TMX3: variants seen among roughly 807,000 people sequenced by gnomAD.
TMX3 encodes the protein protein disulfide-isomerase TMX3.
TMX3 carries 40 observed loss-of-function variants against 64.4 expected under a neutral mutation model. That is an observed-to-expected ratio of 0.62 (90% confidence interval 0.48 to 0.81). TMX3 has a LOEUF of 0.81. Ranked by LOEUF, TMX3 falls within the 30% of genes least tolerant of loss-of-function variation. TMX3 has a pLI of 0.00. For synonymous variants in TMX3, 189 were observed against 175.7 expected (o/e 1.08, Z -0.60); for missense variants, 497 against 534.5 (o/e 0.93, Z 0.69).
In TMX3 at chr18:68,681,106, A is replaced by G. The variant is rs1179221807; in HGVS notation, c.910T>C (p.Leu304=). The G allele has an allele frequency of 6.4e-6, 10 of 1,553,256 alleles. No individual in the cohort carries two copies. The highest frequency in any genetic ancestry group is 1.4e-5 in the African/African-American group (1 of 72,608). The change falls in exon 14 of 16, where the codon TTG becomes CTG. Residue 304 remains leucine (L), a synonymous_variant. Transcript: ENST00000299608. ...AGTACAACTACAGTTGGGACTGTCA[A>G]TTCACTGAAAATATAAAAACAAATC... is the stretch of plus-strand genomic sequence containing the variant. ...DYINTLLMDE[L]TVPTVVVLNT...
intron 4 of TMX3, chr18:68,706,490 T>C (rs1395661118): frequency 6.6e-6 from 1 of 151,890 alleles, no homozygotes; most frequent in Non-Finnish European, 1.5e-5. Flanking sequence ...CAAGACCCAA[T>C]TGCAAAGATT....
intron 7 of TMX3, 78 bp downstream of exon 7, chr18:68,697,854 C>T (rs574529187): frequency 1.2e-5 from 10 of 864,348 alleles, no homozygotes; most frequent in East Asian, 7.8e-5. Flanking sequence ...ATAAGTTCTG[C>T]GTTTCTAGTG....
In TMX3 at chr18:68,711,420, C is replaced by G. The variant is rs1485703226; in HGVS notation, c.102-17G>C. 3.2e-6 allele frequency: 5 copies of G among 1,564,750 alleles called. No homozygotes were observed. The South Asian group carries it at 3.5e-5, about 11-fold the overall frequency. On this transcript the variant is annotated splice_polypyrimidine_tract_variant and intron_variant, in intron 2 of 15. Transcript: ENST00000299608. ...TCTTTAAACCTAAAAAACAAGAAAA[C>G]AAATGTTTGATTGTATGTTTGTGTC...
chr18:68,701,629 A>C, intron 5 of TMX3, 116 bp downstream of exon 5: 1 of 1,547,218 alleles, frequency 6.5e-7, no homozygotes, highest in Non-Finnish European at 8.8e-7. Context: ...ACCTATGAAG[A>C]ATGGCCAAAC....
intron 8 of TMX3, chr18:68,696,911 A>ACACACAC (rs1568192049): frequency 1.6e-5 from 4 of 243,834 alleles, no homozygotes; most frequent in African/African-American, 9.4e-5. Flanking sequence ...TACGCACGCA[A>ACACACAC]AATAATCCAC....
At chr18:68,687,622 G>C (rs757848702) in intron 10 of TMX3, 45 bp downstream of exon 10, 3 of 1,550,966 alleles carry the variant, frequency 1.9e-6, no homozygotes, top group Middle Eastern at 1.7e-4. Context: ...AATAATCAAA[G>C]AAAAATCATG....
Position 68,677,146 on chromosome 18 carries a change from C to T in TMX3, c.1152G>A (p.Leu384=). The change falls in exon 16 of 16, where the codon CTG becomes CTA. Residue 384 remains leucine, a synonymous_variant. Coordinates refer to ENST00000299608, the MANE Select transcript of TMX3 (RefSeq NM_019022.5). ...ACATGATACTGATGACACCCAGTGG[C>T]AGGCCAAAGAGAAAGCAGCCCATCA... ...SPLMGCFLFG[L]PLGVISIMCY... is the part of the protein sequence containing the mutation. The T allele has an allele frequency of 6.2e-7, 1 of 1,613,732 alleles. No homozygotes were observed. The highest frequency in any genetic ancestry group is 8.5e-7 in the Non-Finnish European group (1 of 1,179,718).
intron 12 of TMX3, among the ~76,000 whole-genome samples, chr18:68,683,979 T>C (rs773329501): frequency 2.6e-5 from 4 of 152,160 alleles, no homozygotes; most frequent in African/African-American, 7.2e-5. Context: ...GACAAAATTA[T>C]AGTATATGTA....
chr18:68,713,949 C>A, intron 1 of TMX3, 49 bp from the exon 2 acceptor site: 1 of 1,357,102 alleles, frequency 7.4e-7, no homozygotes, highest in South Asian at 1.3e-5. Flanking sequence ...TTATTTGGCT[C>A]ATACCGTATA....
chr18:68,700,504 A>ATTTTTT lies in TMX3; in HGVS notation c.312-20_312-19insAAAAAA. 2.1e-6 allele frequency: 3 copies of ATTTTTT among 1,432,814 alleles called. No homozygotes were observed. Among genetic ancestry groups the ATTTTTT allele is most frequent in the Non-Finnish European group, 2.8e-6 (3 of 1,054,850 alleles). 88.8% of individuals were successfully genotyped at this position (1,432,814 alleles called of 1,614,324 possible). A position where few individuals can be genotyped will look rare whatever the true frequency, so the allele number is the denominator to read the frequency against. On this transcript the variant is annotated intron_variant, in intron 5 of 15. Transcript: ENST00000299608. Reference sequence around the variant, plus strand: ...TTTTAATCTTTAAAAAAAAAAAAAAATTAAAACCTGGATTGTTCTAACAGT... The same window carrying ATTTTTT: ...TTTTAATCTTTAAAAAAAAAAAAAAATTTTTTTTAAAACCTGGATTGTTCTAACAGT...
At chr18:68,681,598 T>A in intron 13 of TMX3, 1 of 985,434 alleles carries the variant, frequency 1.0e-6, no homozygotes, top group Non-Finnish European at 1.2e-6. Context: ...TTTCAAGATT[T>A]AGCTGAAGAT....
Position 68,679,524 on chromosome 18 carries a change from C to T in TMX3, c.1043G>A (p.Gly348Glu). The change falls in exon 15 of 16, where the codon GGA becomes GAA. Residue 348 changes from glycine to glutamate, a missense_variant. Transcript: ENST00000299608. ...CAATCTCTGCAAAATGCTATCACCTCCTTGGGCCTTCAAAAAAGGAAAAGA... is the reference window on the plus strand; with the variant it reads ...CAATCTCTGCAAAATGCTATCACCTTCTTGGGCCTTCAAAAAAGGAAAAGA... The part of the protein sequence containing the change: ...NILDGTVEAQ[G>E]GDSILQRLKR... 1.2e-6 allele frequency: 2 copies of T among 1,610,258 alleles called. No individual in the cohort carries two copies. The highest frequency in any genetic ancestry group is 1.7e-6 in the Non-Finnish European group (2 of 1,178,724).
Position 68,714,929 on chromosome 18 carries a change from C to G in TMX3, c.46+7G>C, listed in dbSNP as rs1227679511. ...CGCCAGCGTCCCGACCGCTGAGCCC[C>G]CATTACCTGTGGCGCAGAGCCGCAG... On this transcript the variant is annotated splice_region_variant and intron_variant, in intron 1 of 15. Coordinates refer to ENST00000299608, the MANE Select transcript of TMX3 (RefSeq NM_019022.5). 1.3e-6 allele frequency: 2 copies of G among 1,561,076 alleles called. 1 individual carries two copies. The highest frequency in any genetic ancestry group is 1.7e-6 in the Non-Finnish European group (2 of 1,153,130).
At chr18:68,701,874 T>C in intron 4 of TMX3, 84 bp from the exon 5 acceptor site, 2 of 1,105,732 alleles carry the variant, frequency 1.8e-6, no homozygotes, top group South Asian at 1.4e-5. Context: ...ACTTTAAAAA[T>C]AGAGATATTT....
Position 68,676,369 on chromosome 18 carries a change from T to C in TMX3, c.*564A>G, listed in dbSNP as rs1912926916. 1 of 152,242 alleles carries C rather than the reference T, an allele frequency of 6.6e-6. No individual in the cohort carries two copies. Among genetic ancestry groups the C allele is most frequent in the African/African-American group, 2.4e-5 (1 of 41,456 alleles). The allele number at this position is 152,242 out of a possible 1,614,324, so 9.4% of individuals were successfully genotyped here. A position where few individuals can be genotyped will look rare whatever the true frequency, so the allele number is the denominator to read the frequency against. On this transcript the variant is annotated 3_prime_UTR_variant, in exon 16 of 16. Transcript: ENST00000299608. ...TGAGTATAAAGTTAAAAAGTAACAT[T>C]TCTTCTCCTTTAAAAATAACTAACA...
intron 10 of TMX3, chr18:68,687,446 C>T (rs1914071930): frequency 1.0e-6 from 1 of 985,212 alleles, no homozygotes; most frequent in Admixed American, 6.2e-5. Context: ...TTATCACCAT[C>T]AGTTCTATTA....
At chr18:68,713,189 T>C (rs917085654) in intron 2 of TMX3, among the ~76,000 whole-genome samples, 1 of 152,044 alleles carries the variant, frequency 6.6e-6, no homozygotes, top group Non-Finnish European at 1.5e-5. Context: ...AGTAGAAAAG[T>C]GCCTCCGCTG....
chr18:68,686,536 C>T (rs1568183118), intron 10 of TMX3, among the ~76,000 whole-genome samples: 1 of 152,048 alleles, frequency 6.6e-6, no homozygotes, highest in Non-Finnish European at 1.5e-5. Flanking sequence ...TGGTGAAACC[C>T]CGTCTCTGCT....
chr18:68,690,732 C>T (rs141302359), intron 9 of TMX3, among the ~76,000 whole-genome samples: 1 of 152,306 alleles, frequency 6.6e-6, no homozygotes, highest in African/African-American at 2.4e-5. Context: ...CAAAGATCTT[C>T]GTAAGTGTTT....
Sources: gnomAD v4.1 joint callset for allele counts (sites outside exome capture counted in the v4.1 genomes callset) on GRCh38, gnomAD v4.1.1 for gene constraint, MANE v1.5 for transcripts, NCBI Gene and HGNC (gene_info 2026-07-23, HGNC 2026-07-21) for gene names.